DGLUCY: variants seen among roughly 807,000 people sequenced by gnomAD.
The protein encoded by DGLUCY is D-glutamate cyclase, mitochondrial.
A neutral mutation model predicts 58.5 loss-of-function variants in DGLUCY; 58 were observed. The observed-to-expected ratio is 0.99, with a 90% CI of 0.80 to 1.23. The LOEUF (loss-of-function observed/expected upper bound fraction) is 1.23. Among genes scored for constraint, DGLUCY ranks in the 50% most tolerant of loss-of-function variants. The pLI is 0.00. For missense variants in DGLUCY, 779 were observed against 784.7 expected (o/e 0.99, Z 0.09); for synonymous variants, 325 against 314.1 (o/e 1.03, Z -0.37).
chr14:91,186,294 T>C (rs2049517937), intron 8 of DGLUCY, among the ~76,000 whole-genome samples: 2 of 152,156 alleles, frequency 1.3e-5, no homozygotes, highest in Admixed American at 6.5e-5. Context: ...TCACCCAGGC[T>C]GGAGTGCAGT....
chr14:91,181,582 C>T (rs2049169010), intron 8 of DGLUCY, among the ~76,000 whole-genome samples, 193 bp downstream of exon 8: 1 of 152,086 alleles, frequency 6.6e-6, no homozygotes, highest in African/African-American at 2.4e-5. Flanking sequence ...CATTGATGGT[C>T]TCTAGGTAGT....
intron 9 of DGLUCY, among the ~76,000 whole-genome samples, chr14:91,190,852 C>G (rs1272073366): frequency 6.6e-6 from 1 of 152,068 alleles, no homozygotes; most frequent in Non-Finnish European, 1.5e-5. Flanking sequence ...CAGCCATGTT[C>G]TGTGTGGGTT....
intron 1 of DGLUCY, among the ~76,000 whole-genome samples, chr14:91,108,484 A>G (rs1442946199): frequency 1.3e-5 from 1 of 77,950 alleles, no homozygotes; most frequent in Admixed American, 1.2e-4. Context: ...GCCCTTGAAG[A>G]ATTTGTGTGT....
chr14:91,149,815 A>C (rs2047213641), intron 1 of DGLUCY, among the ~76,000 whole-genome samples: 1 of 152,236 alleles, frequency 6.6e-6, no homozygotes, highest in Non-Finnish European at 1.5e-5. Context: ...AGTAACTAAA[A>C]GCAGATTTAC....
chr14:91,210,937 G>A (rs1031899632), intron 12 of DGLUCY, among the ~76,000 whole-genome samples: 3 of 152,180 alleles, frequency 2.0e-5, no homozygotes, highest in African/African-American at 7.2e-5. Flanking sequence ...TTTGCTTGCA[G>A]ATGGCATGAT....
intron 1 of DGLUCY, among the ~76,000 whole-genome samples, chr14:91,152,213 G>A (rs1056737753): frequency 2.0e-5 from 3 of 152,122 alleles, no homozygotes; most frequent in Admixed American, 1.3e-4. Context: ...AGCATAGTGA[G>A]ACCCCCATCT....
intron 7 of DGLUCY, among the ~76,000 whole-genome samples, chr14:91,180,773 A>G (rs1408926959): frequency 6.6e-6 from 1 of 152,226 alleles, no homozygotes; most frequent in Non-Finnish European, 1.5e-5. Flanking sequence ...AAACGATGCC[A>G]TAAGGAAAAA....
Position 91,160,246 on chromosome 14 carries a change from C to T in DGLUCY, c.-29-20C>T. 6.8e-7 allele frequency: 1 copy of T among 1,465,186 alleles called. No homozygotes were observed. Among genetic ancestry groups the T allele is most frequent in the South Asian group, 1.1e-5 (1 of 88,058 alleles). The allele number at this position is 1,465,186 out of a possible 1,614,324, so 90.8% of individuals were successfully genotyped here. A position where few individuals can be genotyped will look rare whatever the true frequency, so the allele number is the denominator to read the frequency against. On this transcript the variant is annotated intron_variant, in intron 2 of 13. Transcript: ENST00000256324. ...GGGGGCCACACTTTCTAATTTGTTC[C>T]CTTTCCTTCCCTCACCCAGATTCTC...
intron 1 of DGLUCY, among the ~76,000 whole-genome samples, chr14:91,149,981 G>A (rs1010553310): frequency 6.6e-6 from 1 of 152,072 alleles, no homozygotes; most frequent in Non-Finnish European, 1.5e-5. Context: ...AGCACTTTGG[G>A]TGGCCGAGGC....
At chr14:91,217,169 C>T (rs1387957487) in intron 13 of DGLUCY, among the ~76,000 whole-genome samples, 1 of 152,230 alleles carries the variant, frequency 6.6e-6, no homozygotes, top group African/African-American at 2.4e-5. Context: ...GGAATATTCC[C>T]AGGTAATTTG....
intron 4 of DGLUCY, among the ~76,000 whole-genome samples, chr14:91,168,558 C>T (rs2048403950): frequency 1.3e-5 from 2 of 152,188 alleles, no homozygotes; most frequent in African/African-American, 4.8e-5. Context: ...TGGAGCCCAT[C>T]CCCCAGTGGG....
At chr14:91,102,759 G>GTGTGTGTGTA (rs1555391110) in intron 1 of DGLUCY, among the ~76,000 whole-genome samples, 11 of 150,408 alleles carry the variant, frequency 7.3e-5, no homozygotes, top group African/African-American at 2.4e-4. Flanking sequence ...GTGTGTGTGT[G>GTGTGTGTGTA]TGTGTGTGTG....
intron 7 of DGLUCY, among the ~76,000 whole-genome samples, chr14:91,179,227 G>A (rs192384419): frequency 7.2e-5 from 11 of 152,260 alleles, no homozygotes; most frequent in African/African-American, 2.4e-4. Context: ...AGGCAGAAGA[G>A]GTAAATAGTA....
At chr14:91,081,337 TCCCA>T (rs1021678025) in intron 1 of DGLUCY, among the ~76,000 whole-genome samples, 4 of 152,178 alleles carry the variant, frequency 2.6e-5, no homozygotes, top group African/African-American at 7.2e-5. Context: ...AGGAGGCACA[TCCCA>T]CAGCAATACG....
chr14:91,062,612 A>ATATATATATATATAT (rs1566925850), intron 1 of DGLUCY, among the ~76,000 whole-genome samples: 1 of 28,720 alleles, frequency 3.5e-5, no homozygotes, highest in Non-Finnish European at 5.7e-5. Flanking sequence ...TATATATATA[A>ATATATATATATATAT]ACAATCCTTA....
At position 91,085,585 on chromosome 14, in the gene DGLUCY, TGTGTGACGGAGTCTCAC is replaced by T. The variant is rs1268125369; in HGVS notation, c.-82+24882_-82+24898del. ...TTTGTTTTTTTTTTTTTTTAGTATG[TGTGTGACGGAGTCTCAC>T]TCTATTCCCCAGGCTGGAGTGCAAT... On this transcript the variant is annotated intron_variant, in intron 1 of 4. Coordinates refer to the DGLUCY transcript ENST00000521334. Among the ~76,000 whole-genome samples, 11 of 150,022 alleles carry T rather than the reference TGTGTGACGGAGTCTCAC, an allele frequency of 7.3e-5. 1 individual carries two copies. The East Asian group carries it at 2.1e-3, about 29-fold the overall frequency.
intron 13 of DGLUCY, chr14:91,220,710 A>G (rs756909684): frequency 2.4e-5 from 11 of 454,880 alleles, no homozygotes; most frequent in African/African-American, 4.0e-5. Flanking sequence ...AGATGAGACC[A>G]TGATTATACC....
At chr14:91,090,788 C>T (rs930133305) in intron 1 of DGLUCY, among the ~76,000 whole-genome samples, 1 of 152,166 alleles carries the variant, frequency 6.6e-6, no homozygotes, top group African/African-American at 2.4e-5. Flanking sequence ...CTCCACTGTC[C>T]CTGTCAAACT....
chr14:91,146,529 G>A (rs1336299968), intron 1 of DGLUCY, among the ~76,000 whole-genome samples: 2 of 152,166 alleles, frequency 1.3e-5, no homozygotes, highest in Non-Finnish European at 2.9e-5. Context: ...GGGGCTCCGA[G>A]CAAGCCCTGG....
Sources: allele counts gnomAD v4.1 joint callset (sites outside exome capture counted in the v4.1 genomes callset), GRCh38; gene constraint gnomAD v4.1.1; transcripts MANE v1.5; gene names NCBI Gene and HGNC (gene_info 2026-07-23, HGNC 2026-07-21).